Variants in CA4 observed in about 807,000 individuals in gnomAD.
CA4 encodes the protein carbonic anhydrase 4, also known as CA-IV.
In CA4, 24 loss-of-function variants were observed where a neutral mutation model predicts 34.5. That is an observed-to-expected ratio of 0.70 (90% confidence interval 0.50 to 0.98). CA4 has a LOEUF of 0.98. CA4 is among the 50% of genes least tolerant of loss of function. CA4 has a pLI of 0.00. For missense variants in CA4, 394 were observed against 396.7 expected (o/e 0.99, Z 0.06); for synonymous variants, 178 against 170.6 (o/e 1.04, Z -0.34).
At chr17:60,152,116 C>T (rs915403731) in intron 1 of CA4, among the ~76,000 whole-genome samples, 9 of 152,098 alleles carry the variant, frequency 5.9e-5, no homozygotes, top group Admixed American at 5.2e-4. Context: ...GACTGACTTT[C>T]GGTCTCTAAC....
chr17:60,163,888 T>C (rs2083823297), downstream of CA4, among the ~76,000 whole-genome samples: 1 of 152,190 alleles, frequency 6.6e-6, no homozygotes, highest in Non-Finnish European at 1.5e-5. Flanking sequence ...CCCAGCACTT[T>C]GGGAGGTCAA....
intron 2 of CA4, 59 bp from the exon 3 acceptor site, chr17:60,156,500 TG>T: frequency 6.4e-7 from 1 of 1,560,218 alleles, no homozygotes; most frequent in Non-Finnish European, 8.8e-7. Context: ...AGTGGGGTGG[TG>T]GGGGCTACAC....
At chr17:60,158,807 G>T in intron 7 of CA4, 1 of 418,728 alleles carries the variant, frequency 2.4e-6, no homozygotes, top group Non-Finnish European at 4.4e-6. Context: ...GACCAGTGGA[G>T]TCAACATCAT....
At chr17:60,175,830 T>C (rs1372659810), downstream of CA4, among the ~76,000 whole-genome samples, 1 of 151,186 alleles carries the variant, frequency 6.6e-6, no homozygotes, top group African/African-American at 2.4e-5. Flanking sequence ...TTTTTTTTTT[T>C]TTTTTGAGAC....
intron 2 of CA4, among the ~76,000 whole-genome samples, 172 bp downstream of exon 2, chr17:60,155,539 T>TCACACA (rs150431420): frequency 7.1e-6 from 1 of 141,608 alleles, no homozygotes; most frequent in Non-Finnish European, 1.5e-5. Flanking sequence ...TCTCTCTCTC[T>TCACACA]CACACACACA....
chr17:60,160,763 A>AG (rs1183029582), downstream of CA4, among the ~76,000 whole-genome samples: 5 of 150,954 alleles, frequency 3.3e-5, no homozygotes, highest in African/African-American at 9.7e-5. Flanking sequence ...AAAAAAAAAA[A>AG]AAGAGAGAAT....
At chr17:60,161,193 G>A (rs1476120103), downstream of CA4, among the ~76,000 whole-genome samples, 1 of 151,870 alleles carries the variant, frequency 6.6e-6, no homozygotes, top group African/African-American at 2.4e-5. Flanking sequence ...TCCCTCCTGT[G>A]GCCAGAGGGA....
intron 1 of CA4, 125 bp from the exon 2 acceptor site, chr17:60,155,189 G>T: frequency 1.2e-6 from 1 of 826,836 alleles, no homozygotes; most frequent in Non-Finnish European, 2.0e-6. Context: ...CCTGCTGCCA[G>T]GAACACTCCA....
chr17:60,168,209 TG>T (rs1005810973), intron 5 of CA4, among the ~76,000 whole-genome samples: 1 of 61,170 alleles, frequency 1.6e-5, no homozygotes, highest in Non-Finnish European at 3.0e-5. Flanking sequence ...TTTTATTTTT[TG>T]GGGGGGCGTG....
At chr17:60,161,519 A>T (rs566555403), downstream of CA4, among the ~76,000 whole-genome samples, 1 of 151,898 alleles carries the variant, frequency 6.6e-6, no homozygotes, top group Non-Finnish European at 1.5e-5. Context: ...GCACTGAGGG[A>T]TTCCATCACC....
chr17:60,161,414 C>T (rs966353776), downstream of CA4, among the ~76,000 whole-genome samples: 4 of 152,084 alleles, frequency 2.6e-5, no homozygotes, highest in Non-Finnish European at 5.9e-5. Context: ...GTGAATGGGG[C>T]ACCCAGGTTT....
intron 7 of CA4, chr17:60,158,665 A>T (rs1356971320): frequency 2.4e-5 from 14 of 594,252 alleles, no homozygotes; most frequent in Non-Finnish European, 4.2e-5. Flanking sequence ...AGGTGGAGTC[A>T]TTCAGAAAAT....
rs756788736 is a variant in CA4, at chr17:60,158,313, T to C, written c.611T>C (p.Leu204Pro). 6.2e-7 allele frequency: 1 copy of C among 1,614,142 alleles called. No individual in the cohort carries two copies. The change falls in exon 7 of 8, where the codon CTG (leucine) becomes CCG (proline). Residue 204 changes from leucine (L) to proline (P), a missense_variant. By Grantham distance (98) the Leu-to-Pro change is moderately conservative. Coordinates refer to ENST00000300900, the MANE Select transcript of CA4 (RefSeq NM_000717.5). ...EMSTTMAESS[L>P]LDLLPKEEKL... ...AGCACTACGATGGCAGAGAGCAGCC[T>C]GTTGGACCTGCTCCCCAAGGAGGAG...
At chr17:60,157,904 CT>C (rs2083720717) in intron 5 of CA4, 116 bp downstream of exon 5, 2 of 1,524,412 alleles carry the variant, frequency 1.3e-6, no homozygotes, top group Non-Finnish European at 1.8e-6. Context: ...CAACTTCCGC[CT>C]CTGTTTCTGG....
At chr17:60,157,184 C>T (rs1048921482) in intron 3 of CA4, among the ~76,000 whole-genome samples, 1 of 152,194 alleles carries the variant, frequency 6.6e-6, no homozygotes, top group Non-Finnish European at 1.5e-5. Flanking sequence ...GACAGAGCTG[C>T]AGTTTGGGGC....
downstream of CA4, among the ~76,000 whole-genome samples, chr17:60,173,119 G>A (rs2083926579): frequency 6.6e-6 from 1 of 151,870 alleles, no homozygotes; most frequent in African/African-American, 2.4e-5. Flanking sequence ...CTCCAGCCTG[G>A]GCAACAAGAG....
At position 60,158,140 on chromosome 17, in the gene CA4, G is replaced by A. The variant is rs199630115; in HGVS notation, c.580+13G>A. The A allele has an allele frequency of 1.9e-6, 3 of 1,613,572 alleles. No individual in the cohort carries two copies. Among genetic ancestry groups the A allele is most frequent in the South Asian group, 1.1e-5 (1 of 91,076 alleles). ...ATCCCCAAACCTGGTGAGTCAGGAT[G>A]GGGGAGAAGGGCTTGGGGTGAGGGG... On this transcript the variant is annotated intron_variant, in intron 6 of 7. Transcript: ENST00000300900.
At chr17:60,160,191 A>G (rs747156624), downstream of CA4, among the ~76,000 whole-genome samples, 1 of 152,194 alleles carries the variant, frequency 6.6e-6, no homozygotes, top group African/African-American at 2.4e-5. Flanking sequence ...AGCCGACTGC[A>G]TGACGGCAGC....
chr17:60,153,703 G>A (rs1382684188), intron 1 of CA4, among the ~76,000 whole-genome samples: 2 of 152,326 alleles, frequency 1.3e-5, no homozygotes, highest in Middle Eastern at 6.8e-3. Context: ...ACTGAGCAAA[G>A]GCAGAGCGGG....
Sources: allele counts gnomAD v4.1 joint callset (sites outside exome capture counted in the v4.1 genomes callset), GRCh38; gene constraint gnomAD v4.1.1; transcripts MANE v1.5; gene names NCBI Gene and HGNC (gene_info 2026-07-23, HGNC 2026-07-21).